Variants in UBE2L3 observed in about 807,000 individuals in gnomAD.
The protein encoded by UBE2L3 is ubiquitin-conjugating enzyme E2 L3.
A neutral mutation model predicts 17.8 loss-of-function variants in UBE2L3; 1 was observed. That is an observed-to-expected ratio of 0.06 (90% CI 0.02 to 0.27). UBE2L3 has a LOEUF of 0.27. UBE2L3 is among the 10% of genes least tolerant of loss of function. The pLI, the probability that UBE2L3 is intolerant of heterozygous loss-of-function variation, is 1.00. For missense variants in UBE2L3, 40 were observed against 192.6 expected, an observed-to-expected ratio of 0.21 and a Z score of 4.69; for synonymous variants, 44 against 68.5, an observed-to-expected ratio of 0.64 and a Z score of 1.76.
At chr22:21,577,868 C>T (rs1332773409) in intron 1 of UBE2L3, among the ~76,000 whole-genome samples, 3 of 152,164 alleles carry the variant, frequency 2.0e-5, no homozygotes, top group African/African-American at 7.2e-5. Context: ...CCAGCAGGCA[C>T]ATCTGCAACC....
intron 3 of UBE2L3, among the ~76,000 whole-genome samples, chr22:21,611,755 T>C (rs1379914249): frequency 6.6e-6 from 1 of 152,208 alleles, no homozygotes; most frequent in African/African-American, 2.4e-5. Context: ...CTGTGTCTGG[T>C]TTTCATTTAA....
intron 1 of UBE2L3, among the ~76,000 whole-genome samples, chr22:21,588,954 A>T (rs1436046996): frequency 6.6e-6 from 1 of 150,508 alleles, no homozygotes; most frequent in Admixed American, 6.6e-5. Flanking sequence ...GAGCCACTGC[A>T]CCCGGGCTGT....
intron 1 of UBE2L3, among the ~76,000 whole-genome samples, chr22:21,560,489 C>T (rs1926395466): frequency 1.7e-5 from 2 of 120,310 alleles, no homozygotes. Context: ...CTCGTTCTAT[C>T]ATCCAGGCTG....
At chr22:21,570,407 A>T (rs1413856312) in intron 1 of UBE2L3, among the ~76,000 whole-genome samples, 1 of 152,216 alleles carries the variant, frequency 6.6e-6, no homozygotes. Flanking sequence ...TCAACACTCA[A>T]AGTTAGTGTA....
intron 1 of UBE2L3, among the ~76,000 whole-genome samples, chr22:21,585,206 G>T (rs1282685966): frequency 6.6e-6 from 1 of 152,198 alleles, no homozygotes; most frequent in Non-Finnish European, 1.5e-5. Flanking sequence ...ATTTGGCTCT[G>T]AATAGTTCAG....
chr22:21,578,336 G>C (rs1257043805), intron 1 of UBE2L3, among the ~76,000 whole-genome samples: 1 of 151,282 alleles, frequency 6.6e-6, no homozygotes, highest in Non-Finnish European at 1.5e-5. Context: ...CTCCAGCCTG[G>C]GTGACAGAGC....
intron 1 of UBE2L3, among the ~76,000 whole-genome samples, chr22:21,572,328 G>A (rs920482175): frequency 6.6e-6 from 1 of 151,382 alleles, no homozygotes; most frequent in Admixed American, 6.6e-5. Context: ...CCAGCTACTC[G>A]GGAGGCTGAG....
At chr22:21,558,312 C>T (rs1012781707) in intron 1 of UBE2L3, among the ~76,000 whole-genome samples, 9 of 152,198 alleles carry the variant, frequency 5.9e-5, no homozygotes, top group African/African-American at 1.9e-4. Context: ...GCTTTTCATT[C>T]CATATCCTTT....
chr22:21,599,275 G>A (rs1440736081), intron 2 of UBE2L3, among the ~76,000 whole-genome samples: 1 of 152,102 alleles, frequency 6.6e-6, no homozygotes, highest in Non-Finnish European at 1.5e-5. Flanking sequence ...GTTCTTTTCT[G>A]CTTCCTGCTA....
chr22:21,562,442 G>A (rs1159121601), intron 1 of UBE2L3, among the ~76,000 whole-genome samples: 3 of 149,552 alleles, frequency 2.0e-5, no homozygotes, highest in Non-Finnish European at 3.0e-5. Flanking sequence ...CACAATCTCC[G>A]CTCACTGCAA....
rs140497 is a variant in UBE2L3 at position 21,572,422 on chromosome 22, C to CAAAAA, written c.27+4666_27+4670dup. Among the ~76,000 whole-genome samples, 6 of 104,740 alleles carry CAAAAA rather than the reference C, an allele frequency of 5.7e-5. No homozygotes were observed. The South Asian group carries it at 1.5e-3, about 26-fold the overall frequency. The allele number at this position is 104,740 out of a possible 152,430, so 68.7% of individuals were successfully genotyped here. A position where few individuals can be genotyped will look rare whatever the true frequency, so the allele number is the denominator to read the frequency against. On this transcript the variant is annotated intron_variant, in intron 1 of 3. Transcript: ENST00000342192. ...TGCATTCCAGTGCGAGACTCCGTCTCAAAAAAAAAAAAAAAAAAAGAAAAC... is the reference window on the plus strand; with the variant it reads ...TGCATTCCAGTGCGAGACTCCGTCTCAAAAAAAAAAAAAAAAAAAAAAAAGAAAAC...
intron 2 of UBE2L3, among the ~76,000 whole-genome samples, chr22:21,610,142 G>GGT (rs1929404211): frequency 6.6e-6 from 1 of 152,132 alleles, no homozygotes; most frequent in South Asian, 2.1e-4. Flanking sequence ...CCGGCTTCAT[G>GGT]GTTTATAGAT....
At chr22:21,612,737 G>A (rs188661340) in intron 3 of UBE2L3, among the ~76,000 whole-genome samples, 12 of 132,438 alleles carry the variant, frequency 9.1e-5, no homozygotes, top group East Asian at 2.5e-4. Flanking sequence ...TCCGCCTCCC[G>A]GGTTCAAGCA....
At chr22:21,573,158 G>A (rs1927078862) in intron 1 of UBE2L3, among the ~76,000 whole-genome samples, 1 of 152,174 alleles carries the variant, frequency 6.6e-6, no homozygotes, top group African/African-American at 2.4e-5. Flanking sequence ...AGTGTATGGT[G>A]TGGTGTGCAG....
rs1478136465 is a variant in UBE2L3, at chr22:21,612,628, T to TTTTTCTTTTC, written c.310+1595_310+1604dup. 1.2e-4 allele frequency among the ~76,000 whole-genome samples: 17 copies of TTTTTCTTTTC among 138,212 alleles called. 2 individuals are homozygous for TTTTTCTTTTC. Among genetic ancestry groups the TTTTTCTTTTC allele is most frequent in the African/African-American group, 4.6e-4 (16 of 34,942 alleles). 90.7% of individuals were successfully genotyped at this position (138,212 alleles called of 152,430 possible). On this transcript the variant is annotated intron_variant, in intron 3 of 3. Coordinates refer to ENST00000342192, the MANE Select transcript of UBE2L3 (RefSeq NM_003347.4). ...GCGTAAGCCACCGCACCCAGCCGATTTTTTCTTTTCTTTTCTTTTTTTTTT... is the reference window on the plus strand; with the variant it reads ...GCGTAAGCCACCGCACCCAGCCGATTTTTTCTTTTCTTTTCTTTTCTTTTCTTTTTTTTTT...
At chr22:21,563,873 A>G (rs1012596870), upstream of UBE2L3, among the ~76,000 whole-genome samples, 14 of 151,694 alleles carry the variant, frequency 9.2e-5, no homozygotes, top group East Asian at 2.4e-3. Flanking sequence ...CTGCACCTGG[A>G]CTATTTATTT....
At chr22:21,615,428 G>A (rs1033901758) in intron 3 of UBE2L3, among the ~76,000 whole-genome samples, 8 of 151,708 alleles carry the variant, frequency 5.3e-5, no homozygotes, top group South Asian at 2.1e-4. Flanking sequence ...GGTGGCAGGC[G>A]CCTGTAGTCC....
chr22:21,598,516 C>G (rs1423918057), intron 2 of UBE2L3, among the ~76,000 whole-genome samples: 4 of 148,066 alleles, frequency 2.7e-5, no homozygotes, highest in Non-Finnish European at 6.0e-5. Context: ...ATTTCTAGTT[C>G]CCTTTCCTTC....
At chr22:21,558,252 T>C (rs536842366) in intron 1 of UBE2L3, among the ~76,000 whole-genome samples, 641 of 152,094 alleles carry the variant, frequency 4.2e-3, no homozygotes, top group African/African-American at 0.015. Flanking sequence ...CCTGAGAGCC[T>C]GCAGGAGGGT....
Sources: allele counts gnomAD v4.1 joint callset (sites outside exome capture counted in the v4.1 genomes callset), GRCh38; gene constraint gnomAD v4.1.1; transcripts MANE v1.5; gene names NCBI Gene and HGNC (gene_info 2026-07-23, HGNC 2026-07-21).